Variants in HSPA12A observed in about 807,000 individuals in gnomAD.
HSPA12A encodes heat shock 70 kDa protein 12A.
Under a neutral mutation model 69.2 loss-of-function variants are expected in HSPA12A, and 28 were observed. The ratio of observed to expected loss-of-function variants is 0.40; its 90% CI spans 0.30 to 0.55. HSPA12A has a LOEUF of 0.55. Ranked by LOEUF, HSPA12A falls within the 20% of genes least tolerant of loss-of-function variation. HSPA12A has a pLI of 0.38. For synonymous variants in HSPA12A, 345 were observed against 370.5 expected, an observed-to-expected ratio of 0.93 and a Z score of 0.79; for missense variants, 686 against 900.7, an observed-to-expected ratio of 0.76 and a Z score of 3.05.
intron 1 of HSPA12A, among the ~76,000 whole-genome samples, chr10:116,732,117 G>A (rs1554885823): frequency 6.6e-6 from 1 of 152,002 alleles, no homozygotes; most frequent in Admixed American, 6.6e-5. Context: ...GATCATTTGA[G>A]GTCAGGAGTT....
chr10:116,754,049 C>A lies in HSPA12A; in HGVS notation c.92-46764G>T, dbSNP rs192318917. On this transcript the variant is annotated intron_variant, in intron 2 of 12. Transcript: ENST00000635765. ...CAACATAGTAGAGACACGGGCCGGG[C>A]CTTCCTCTCCCCACCCTGGCAGGGG... Among the ~76,000 whole-genome samples the A allele has an allele frequency of 1.9e-3, 287 of 152,322 alleles. 1 individual carries two copies. The highest frequency in any genetic ancestry group is 6.2e-3 in the African/African-American group (257 of 41,576).
chr10:116,676,487 C>T lies in HSPA12A; in HGVS notation c.1302G>A (p.Lys434=). The change falls in exon 11 of 12, where the codon AAG becomes AAA. Residue 434 remains lysine (K), a synonymous_variant. Transcript: ENST00000369209. ...TCCGCAGCATCCCCTGCGAGGACCA[C>T]TTCACAAAATCCACACTGCAGGAGC... ...ALRKSNVDFV[K]WSSQGMLRMS... 2.5e-6 allele frequency: 4 copies of T among 1,613,838 alleles called. No homozygotes were observed. The highest frequency in any genetic ancestry group is 3.4e-6 in the Non-Finnish European group (4 of 1,179,960).
chr10:116,774,410 A>T (rs1844285750), intron 2 of HSPA12A, among the ~76,000 whole-genome samples: 1 of 152,206 alleles, frequency 6.6e-6, no homozygotes. Context: ...GTGGTCCCTG[A>T]CCAGCAGCAT....
rs1843812354 is a variant in HSPA12A at position 116,755,354 on chromosome 10, G to A, written c.92-48069C>T. On this transcript the variant is annotated intron_variant, in intron 2 of 12. Coordinates refer to the HSPA12A transcript ENST00000635765. ...CGGCTGGGCACAGTTGCTCACATCT[G>A]TAATCCCAGCACTTTGGGAGGCTGA... is the stretch of plus-strand genomic sequence containing the variant. 3.3e-5 allele frequency among the ~76,000 whole-genome samples: 5 copies of A among 152,166 alleles called. No homozygotes were observed. In the South Asian group the frequency reaches 8.3e-4, roughly 25 times the overall value.
At chr10:116,821,700 G>A (rs925579444) in intron 2 of HSPA12A, among the ~76,000 whole-genome samples, 10 of 152,200 alleles carry the variant, frequency 6.6e-5, no homozygotes, top group South Asian at 2.1e-4. Context: ...GTGGCTCCAC[G>A]CTGATCCACC....
intron 2 of HSPA12A, among the ~76,000 whole-genome samples, chr10:116,798,629 C>A (rs141993360): frequency 1.7e-4 from 26 of 152,236 alleles, no homozygotes; most frequent in African/African-American, 6.0e-4. Context: ...CAGGCCCTGA[C>A]CCACCTCTGC....
rs185118924 is a variant in HSPA12A at position 116,752,480 on chromosome 10, C to T, written c.92-45195G>A. On this transcript the variant is annotated intron_variant, in intron 2 of 12. Transcript: ENST00000635765. ...CTCTCCTTCCATCAGACATGTGCTG[C>T]AACATAAAATCTAACCAGACACAGG... is the stretch of plus-strand genomic sequence containing the variant. Among the ~76,000 whole-genome samples, 1,042 of 152,266 alleles carry T rather than the reference C, an allele frequency of 6.8e-3. 11 individuals are homozygous for T. The highest frequency in any genetic ancestry group is 0.024 in the African/African-American group (988 of 41,558).
At chr10:116,682,316 G>A (rs2064860093) in intron 7 of HSPA12A, among the ~76,000 whole-genome samples, 1 of 152,148 alleles carries the variant, frequency 6.6e-6, no homozygotes, top group Non-Finnish European at 1.5e-5. Flanking sequence ...CTAGTTTCCC[G>A]GCTTTGCTGC....
At chr10:116,680,734 C>A (rs182694020) in intron 9 of HSPA12A, among the ~76,000 whole-genome samples, 414 of 152,332 alleles carry the variant, frequency 2.7e-3, no homozygotes, top group African/African-American at 9.5e-3. Flanking sequence ...GATCTGCCTG[C>A]TTGGCCTCCC....
chr10:116,683,666 C>T, intron 7 of HSPA12A, 125 bp downstream of exon 7: 1 of 1,005,046 alleles, frequency 9.9e-7, no homozygotes, highest in East Asian at 2.8e-5. Context: ...TAAAGCCCAC[C>T]TCCTCCCGGA....
chr10:116,731,022 G>A (rs1402781226), intron 1 of HSPA12A, among the ~76,000 whole-genome samples: 4 of 152,224 alleles, frequency 2.6e-5, no homozygotes, highest in Non-Finnish European at 4.4e-5. Context: ...TGCGCAGCCC[G>A]TTCCCATGGT....
intron 2 of HSPA12A, among the ~76,000 whole-genome samples, chr10:116,816,255 A>C (rs1166799999): frequency 6.6e-6 from 1 of 152,184 alleles, no homozygotes; most frequent in Non-Finnish European, 1.5e-5. Context: ...CATTCATATC[A>C]TCTTGCCCCT....
intron 2 of HSPA12A, among the ~76,000 whole-genome samples, chr10:116,780,378 G>T (rs1452855245): frequency 2.0e-5 from 3 of 151,200 alleles, no homozygotes; most frequent in Admixed American, 2.0e-4. Context: ...TTGAGACAAG[G>T]TCTCTCTCTG....
chr10:116,785,952 C>T lies in HSPA12A; in HGVS notation c.91+48983G>A, dbSNP rs557153281. 3.9e-5 allele frequency among the ~76,000 whole-genome samples: 6 copies of T among 152,330 alleles called. No individual in the cohort carries two copies. In the East Asian group the frequency reaches 7.7e-4, roughly 20 times the overall value. ...CTCTGCCTGAGTGGTCTAGCATCCT[C>T]CCCTGCTTACATCTCTTTGTGGCCC... is the stretch of plus-strand genomic sequence containing the variant. On this transcript the variant is annotated intron_variant, in intron 2 of 12. Transcript: ENST00000635765.
At chr10:116,703,941 ACTTCT>A (rs1444012647) in intron 3 of HSPA12A, among the ~76,000 whole-genome samples, 1 of 152,234 alleles carries the variant, frequency 6.6e-6, no homozygotes, top group Admixed American at 6.5e-5. Context: ...ACACCCCAGC[ACTTCT>A]CTTCACTTGA....
At chr10:116,757,456 C>A (rs1843875604) in intron 2 of HSPA12A, among the ~76,000 whole-genome samples, 1 of 152,172 alleles carries the variant, frequency 6.6e-6, no homozygotes. Flanking sequence ...CCAAGGTCAC[C>A]TGACTTCCCT....
At position 116,686,137 on chromosome 10, in the gene HSPA12A, A is replaced by C. The variant is rs537867544; in HGVS notation, c.664-2175T>G. On this transcript the variant is annotated intron_variant, in intron 6 of 11. Coordinates refer to ENST00000369209, the MANE Select transcript of HSPA12A (RefSeq NM_025015.3). This position sits in a 1 kb window ranked among gnomAD's most constrained non-coding sequence, Gnocchi z 4.1. The stretch of plus-strand genomic sequence containing the variant: ...CCCCCCTCCCCAGCTTCACTCTCAC[A>C]GGGTCACATTAGACATCCTTAGCAC... Among the ~76,000 whole-genome samples the C allele has an allele frequency of 6.6e-6, 1 of 152,316 alleles. No individual in the cohort carries two copies. Among genetic ancestry groups the C allele is most frequent in the East Asian group, 1.9e-4 (1 of 5,170 alleles).
chr10:116,822,644 A>C (rs1353361061), intron 2 of HSPA12A, among the ~76,000 whole-genome samples: 1 of 152,144 alleles, frequency 6.6e-6, no homozygotes, highest in Non-Finnish European at 1.5e-5. Context: ...GCTACAATTT[A>C]ATGTTCTCAG....
Position 116,686,239 on chromosome 10 carries a change from G to A in HSPA12A, c.664-2277C>T, listed in dbSNP as rs1293601183. 6.6e-6 allele frequency among the ~76,000 whole-genome samples: 1 copy of A among 152,194 alleles called. No homozygotes were observed. Among genetic ancestry groups the A allele is most frequent in the African/African-American group, 2.4e-5 (1 of 41,452 alleles). On this transcript the variant is annotated intron_variant, in intron 6 of 11. Coordinates refer to ENST00000369209, the MANE Select transcript of HSPA12A (RefSeq NM_025015.3). The surrounding 1 kb of genome is among the most constrained non-coding windows in gnomAD (Gnocchi z 4.1). ...TGCCCTCGGGAAAGGTGAAACCTCT[G>A]AGCCTGGATCCCAAGGGGTCGGGAG...
Sources: gnomAD v4.1 joint callset for allele counts (sites outside exome capture counted in the v4.1 genomes callset) on GRCh38, gnomAD v4.1.1 for gene constraint, Gnocchi (gnomAD v3.1) non-coding constraint, MANE v1.5 for transcripts, NCBI Gene and HGNC (gene_info 2026-07-23, HGNC 2026-07-21) for gene names.